Variants in LINGO2 observed in about 807,000 individuals in gnomAD.
LINGO2 encodes the protein leucine rich repeat and Ig domain containing 2, also known as leucine-rich repeat and immunoglobulin-like domain-containing nogo receptor-interacting protein 2.
LINGO2 carries 14 observed loss-of-function variants against 30.6 expected under a neutral mutation model. That is an observed-to-expected ratio of 0.46 (90% CI 0.30 to 0.72). The LOEUF (loss-of-function observed/expected upper bound fraction) is 0.72, where lower values mean the gene tolerates loss of function less well. LINGO2 is among the 30% of genes least tolerant of loss of function. LINGO2 has a pLI of 0.07. For missense variants in LINGO2, 729 were observed against 751.7 expected, an observed-to-expected ratio of 0.97 and a Z score of 0.35; for synonymous variants, 317 against 288.5, an observed-to-expected ratio of 1.10 and a Z score of -1.00.
the LINGO2 span, among the ~76,000 whole-genome samples, chr9:28,998,504 A>C: frequency 5.3e-5 from 8 of 152,160 alleles, no homozygotes; most frequent in Admixed American, 1.3e-4. Context: ...AAGAGGAAAA[A>C]TAAAAATATC....
intron 4 of LINGO2, among the ~76,000 whole-genome samples, chr9:28,240,308 C>G (rs1053757476): frequency 3.3e-5 from 5 of 151,836 alleles, no homozygotes; most frequent in Non-Finnish European, 7.4e-5. Flanking sequence ...CACAAAAGAC[C>G]CAGAATAGCC....
the LINGO2 span, among the ~76,000 whole-genome samples, chr9:28,989,776 C>T: frequency 6.6e-6 from 1 of 152,116 alleles, no homozygotes; most frequent in East Asian, 1.9e-4. Flanking sequence ...TTATGTGGTG[C>T]CATGAGATTA....
intron 4 of LINGO2, among the ~76,000 whole-genome samples, chr9:28,095,062 TTA>T (rs1333895026): frequency 6.6e-6 from 1 of 152,160 alleles, no homozygotes; most frequent in Non-Finnish European, 1.5e-5. Context: ...AATATTTACA[TTA>T]TGTCTGAACT....
chr9:28,341,620 C>G (rs1825767908), intron 3 of LINGO2, among the ~76,000 whole-genome samples: 1 of 152,146 alleles, frequency 6.6e-6, no homozygotes, highest in Non-Finnish European at 1.5e-5. Flanking sequence ...GAATACTCAG[C>G]AACTAAATGG....
At chr9:28,891,926 C>CT in the LINGO2 span, among the ~76,000 whole-genome samples, 8 of 150,830 alleles carry the variant, frequency 5.3e-5, no homozygotes, top group Admixed American at 3.3e-4. Flanking sequence ...TTTTAAGATA[C>CT]TTTTTTTATA....
chr9:29,051,072 C>T, the LINGO2 span, among the ~76,000 whole-genome samples: 1 of 152,100 alleles, frequency 6.6e-6, no homozygotes, highest in South Asian at 2.1e-4. Context: ...CTATATACTC[C>T]CTGCTCCAAG....
chr9:28,958,299 A>G, the LINGO2 span, among the ~76,000 whole-genome samples: 1 of 152,204 alleles, frequency 6.6e-6, no homozygotes, highest in African/African-American at 2.4e-5. Flanking sequence ...GCCAGAGACA[A>G]TGTCTCATGG....
chr9:28,228,980 T>C (rs67486429), intron 4 of LINGO2, among the ~76,000 whole-genome samples: 30,471 of 151,652 alleles, frequency 0.2, 3,778 homozygotes, highest in Non-Finnish European at 0.27. Flanking sequence ...GAATGCCAGG[T>C]TGTACTCATA....
the LINGO2 span, among the ~76,000 whole-genome samples, chr9:28,919,592 G>A: frequency 6.6e-6 from 1 of 152,114 alleles, no homozygotes; most frequent in Admixed American, 6.6e-5. Context: ...AATCACAGGT[G>A]TATGTGTCAT....
At chr9:28,928,893 T>A in the LINGO2 span, among the ~76,000 whole-genome samples, 7 of 152,222 alleles carry the variant, frequency 4.6e-5, no homozygotes, top group East Asian at 1.4e-3. Flanking sequence ...CCCAGGGGTT[T>A]CAGGAGGCAG....
chr9:29,008,700 T>A, the LINGO2 span, among the ~76,000 whole-genome samples: 2 of 152,152 alleles, frequency 1.3e-5, no homozygotes, highest in East Asian at 3.9e-4. Flanking sequence ...TTTTTTCATG[T>A]GTCTGTTGGC....
chr9:28,711,630 G>C, the LINGO2 span, among the ~76,000 whole-genome samples: 1 of 151,992 alleles, frequency 6.6e-6, no homozygotes, highest in Non-Finnish European at 1.5e-5. Context: ...TTCAAGTGTG[G>C]GTCAGAAGAG....
At chr9:29,168,256 A>C in the LINGO2 span, among the ~76,000 whole-genome samples, 3 of 151,598 alleles carry the variant, frequency 2.0e-5, no homozygotes, top group Non-Finnish European at 4.4e-5. Flanking sequence ...AAACAAGCTA[A>C]TATAAGAAAA....
chr9:28,620,852 G>A (rs1300093295), intron 1 of LINGO2, among the ~76,000 whole-genome samples: 1 of 151,894 alleles, frequency 6.6e-6, no homozygotes, highest in African/African-American at 2.4e-5. Context: ...AAGAGGGAGA[G>A]GATCAGGAAA....
intron 1 of LINGO2, among the ~76,000 whole-genome samples, chr9:28,660,211 A>G (rs968982772): frequency 1.3e-5 from 2 of 152,172 alleles, no homozygotes; most frequent in Non-Finnish European, 2.9e-5. Flanking sequence ...TTTATGCATC[A>G]TAACTGTTCT....
the LINGO2 span, among the ~76,000 whole-genome samples, chr9:28,796,806 G>C: frequency 6.6e-6 from 1 of 151,724 alleles, no homozygotes. Flanking sequence ...GTCAAACACT[G>C]GGATGCATCC....
chr9:28,285,681 A>G (rs902131805), intron 4 of LINGO2, among the ~76,000 whole-genome samples: 3 of 152,082 alleles, frequency 2.0e-5, no homozygotes, highest in African/African-American at 7.2e-5. Flanking sequence ...CTGGGATTAC[A>G]GGCGTGAGCC....
the LINGO2 span, among the ~76,000 whole-genome samples, chr9:28,798,902 T>C: frequency 2.6e-5 from 4 of 152,096 alleles, no homozygotes; most frequent in Admixed American, 1.3e-4. Context: ...AACATTTATA[T>C]GAATAATGAA....
the LINGO2 span, among the ~76,000 whole-genome samples, chr9:28,967,837 CGAGAAA>C: frequency 6.6e-6 from 1 of 152,010 alleles, no homozygotes; most frequent in African/African-American, 2.4e-5. Flanking sequence ...TAGCAGAGAG[CGAGAAA>C]GAGAAAGAGA....
Sources: allele counts gnomAD v4.1 joint callset (sites outside exome capture counted in the v4.1 genomes callset), GRCh38; gene constraint gnomAD v4.1.1; transcripts MANE v1.5; gene names NCBI Gene and HGNC (gene_info 2026-07-23, HGNC 2026-07-21).